EPB41L4A: variants seen among roughly 807,000 people sequenced by gnomAD.
The protein encoded by EPB41L4A is band 4.1-like protein 4A.
Under a neutral mutation model 108.6 loss-of-function variants are expected in EPB41L4A, and 100 were observed. That is an observed-to-expected ratio of 0.92 (90% CI 0.78 to 1.09). The LOEUF (loss-of-function observed/expected upper bound fraction) is 1.09. EPB41L4A is among the 50% of genes least tolerant of loss of function. The pLI is 0.00. For missense variants in EPB41L4A, 1,030 were observed against 842.7 expected (o/e 1.22, Z -2.75); for synonymous variants, 319 against 289.0 (o/e 1.10, Z -1.05).
intron 1 of EPB41L4A, among the ~76,000 whole-genome samples, chr5:112,392,079 A>C (rs960220749): frequency 2.6e-5 from 4 of 152,168 alleles, no homozygotes; most frequent in African/African-American, 7.2e-5. Context: ...AGGAAGCACT[A>C]AACATGGAAA....
intron 2 of EPB41L4A, among the ~76,000 whole-genome samples, chr5:112,288,006 T>G (rs1240169650): frequency 6.6e-6 from 1 of 152,198 alleles, no homozygotes; most frequent in African/African-American, 2.4e-5. Context: ...ACTTTCGCAT[T>G]CCTAGTCCTA....
At chr5:112,390,190 C>A (rs1760839795) in intron 1 of EPB41L4A, among the ~76,000 whole-genome samples, 1 of 152,116 alleles carries the variant, frequency 6.6e-6, no homozygotes, top group South Asian at 2.1e-4. Context: ...CTATTTGGGA[C>A]TGGTTGGACA....
chr5:112,286,299 T>C (rs1753273665), intron 2 of EPB41L4A, among the ~76,000 whole-genome samples: 1 of 152,084 alleles, frequency 6.6e-6, no homozygotes, highest in Non-Finnish European at 1.5e-5. Flanking sequence ...CCCCGCATTC[T>C]CCATGCTAGC....
intron 12 of EPB41L4A, among the ~76,000 whole-genome samples, chr5:112,215,787 CAA>C (rs145020974): frequency 7.8e-6 from 1 of 128,796 alleles, no homozygotes; most frequent in African/African-American, 2.8e-5. Context: ...ACAAAAAAAA[CAA>C]AAAAAAAACA....
In EPB41L4A at chr5:112,184,392, CAT is replaced by C. The variant is rs573630617; in HGVS notation, c.1503-259_1503-258del. ...TGATTTTAATTTTCTAGGAAAAAGA[CAT>C]GTATCAAAAACTTATTTTAAACATT... On this transcript the variant is annotated intron_variant, in intron 17 of 22. Transcript: ENST00000261486. Among the ~76,000 whole-genome samples the C allele has an allele frequency of 1.9e-4, 29 of 152,198 alleles. No homozygotes were observed. The South Asian group carries it at 3.9e-3, about 21-fold the overall frequency.
At chr5:112,172,708 T>C (rs1760652471) in intron 18 of EPB41L4A, among the ~76,000 whole-genome samples, 1 of 152,162 alleles carries the variant, frequency 6.6e-6, no homozygotes, top group Admixed American at 6.6e-5. Flanking sequence ...GACAGAATGA[T>C]GGTTCAGCTG....
At chr5:112,409,933 C>T (rs777938181) in intron 1 of EPB41L4A, among the ~76,000 whole-genome samples, 5 of 152,170 alleles carry the variant, frequency 3.3e-5, no homozygotes, top group Non-Finnish European at 7.3e-5. Flanking sequence ...ATGACAAAAG[C>T]CTATGCCCTC....
At chr5:112,323,450 G>C (rs2150632953) in intron 1 of EPB41L4A, among the ~76,000 whole-genome samples, 1 of 152,234 alleles carries the variant, frequency 6.6e-6, no homozygotes, top group East Asian at 1.9e-4. Context: ...CACTATTTAA[G>C]GGAACTCTGA....
At chr5:112,309,537 T>C (rs1754912892) in intron 1 of EPB41L4A, among the ~76,000 whole-genome samples, 1 of 152,206 alleles carries the variant, frequency 6.6e-6, no homozygotes, top group Non-Finnish European at 1.5e-5. Flanking sequence ...GAGGAAATTT[T>C]ACACTTTTGA....
intron 18 of EPB41L4A, among the ~76,000 whole-genome samples, chr5:112,181,211 G>C (rs1376925070): frequency 1.3e-5 from 2 of 152,126 alleles, no homozygotes; most frequent in Non-Finnish European, 2.9e-5. Context: ...CAGCACTTTG[G>C]GAGGCCGAGG....
At chr5:112,379,012 G>A (rs1265271722) in intron 1 of EPB41L4A, among the ~76,000 whole-genome samples, 8 of 152,138 alleles carry the variant, frequency 5.3e-5, no homozygotes, top group African/African-American at 1.9e-4. Flanking sequence ...TGAGCGTGCA[G>A]GGGTGTACAG....
At position 112,170,372 on chromosome 5, in the gene EPB41L4A, G is replaced by A. The variant is rs10040749; in HGVS notation, c.1671-3C>T. ...CGGATGGATCCACAAGTTCTTTTCTGTAAAGGAATATGCAAGAAAATGATA... is the reference window on the plus strand; with the variant it reads ...CGGATGGATCCACAAGTTCTTTTCTATAAAGGAATATGCAAGAAAATGATA... On this transcript the variant is annotated splice_region_variant and splice_polypyrimidine_tract_variant and intron_variant, in intron 19 of 22. Coordinates refer to ENST00000261486, the MANE Select transcript of EPB41L4A (RefSeq NM_022140.5). 1,079,472 of 1,589,180 alleles carry A rather than the reference G, an allele frequency of 0.68. 373,840 individuals carry two copies. The highest frequency in any genetic ancestry group is 1 in the East Asian group (44,672 of 44,748).
chr5:112,183,821 A>G (rs1419029249), intron 18 of EPB41L4A, among the ~76,000 whole-genome samples, 195 bp downstream of exon 18: 1 of 152,212 alleles, frequency 6.6e-6, no homozygotes, highest in African/African-American at 2.4e-5. Context: ...TTTTCATGAC[A>G]TTTTGTTTTG....
At chr5:112,269,449 A>G (rs1465413539) in intron 4 of EPB41L4A, among the ~76,000 whole-genome samples, 1 of 152,118 alleles carries the variant, frequency 6.6e-6, no homozygotes, top group South Asian at 2.1e-4. Context: ...CTTATTTTGT[A>G]TATTTTATGG....
chr5:112,265,826 T>G (rs1281181622), intron 5 of EPB41L4A, among the ~76,000 whole-genome samples: 2 of 152,188 alleles, frequency 1.3e-5, no homozygotes, highest in East Asian at 3.9e-4. Context: ...CCATGCCACA[T>G]GCGGAACCTA....
At chr5:112,219,572 C>T (rs934500521) in intron 12 of EPB41L4A, among the ~76,000 whole-genome samples, 1 of 152,094 alleles carries the variant, frequency 6.6e-6, no homozygotes, top group Non-Finnish European at 1.5e-5. Flanking sequence ...GTTTACTTCC[C>T]ATGACCATAA....
chr5:112,396,471 G>GT (rs1761358104), intron 1 of EPB41L4A, among the ~76,000 whole-genome samples: 1 of 152,190 alleles, frequency 6.6e-6, no homozygotes, highest in South Asian at 2.1e-4. Flanking sequence ...AAACGTAATG[G>GT]TTTAAAACAA....
At chr5:112,251,005 C>A (rs1750625386) in intron 9 of EPB41L4A, among the ~76,000 whole-genome samples, 1 of 152,104 alleles carries the variant, frequency 6.6e-6, no homozygotes, top group Admixed American at 6.6e-5. Context: ...GAGCAAGAGA[C>A]CTGGACTTAA....
At chr5:112,382,037 G>A (rs185801382) in intron 1 of EPB41L4A, among the ~76,000 whole-genome samples, 76 of 152,270 alleles carry the variant, frequency 5.0e-4, no homozygotes, top group Non-Finnish European at 9.1e-4. Context: ...TTCATTTTAA[G>A]AAATTTATAA....
Sources: gnomAD v4.1 joint callset for allele counts (sites outside exome capture counted in the v4.1 genomes callset) on GRCh38, gnomAD v4.1.1 for gene constraint, MANE v1.5 for transcripts, NCBI Gene and HGNC (gene_info 2026-07-23, HGNC 2026-07-21) for gene names.